ANKIB1: variants seen among roughly 807,000 people sequenced by gnomAD.
ANKIB1 encodes ankyrin repeat and IBR domain containing 1.
In ANKIB1, 43 loss-of-function variants were observed where a neutral mutation model predicts 122.1. The ratio of observed to expected loss-of-function variants is 0.35; its 90% CI spans 0.28 to 0.45. The LOEUF is 0.45. Among genes scored for constraint, ANKIB1 ranks in the 20% least tolerant of loss-of-function variants. ANKIB1 has a pLI of 1.00. For missense variants in ANKIB1, 992 were observed against 1,329.5 expected, an observed-to-expected ratio of 0.75 and a Z score of 3.95; for synonymous variants, 390 against 442.0, an observed-to-expected ratio of 0.88 and a Z score of 1.48.
intron 1 of ANKIB1, among the ~76,000 whole-genome samples, chr7:92,282,151 AT>A (rs1010816457): frequency 2.0e-5 from 3 of 150,660 alleles, no homozygotes; most frequent in Non-Finnish European, 4.4e-5. Flanking sequence ...GGCATAAGTA[AT>A]TTTTTTTTCT....
chr7:92,282,799 A>G (rs1301769191), intron 1 of ANKIB1, among the ~76,000 whole-genome samples: 1 of 152,132 alleles, frequency 6.6e-6, no homozygotes, highest in Non-Finnish European at 1.5e-5. Flanking sequence ...GCCTATGAAA[A>G]TTTTCAGCTA....
chr7:92,388,064 G>A (rs1804698506), intron 14 of ANKIB1, 23 bp downstream of exon 14: 1 of 1,538,866 alleles, frequency 6.5e-7, no homozygotes, highest in Non-Finnish European at 8.8e-7. Flanking sequence ...TTGTATGTGT[G>A]ATAATTAATA....
intron 14 of ANKIB1, 31 bp downstream of exon 14, chr7:92,388,072 A>T (rs1335676855): frequency 6.6e-7 from 1 of 1,523,766 alleles, no homozygotes. Flanking sequence ...GTGATAATTA[A>T]TATAAAATAT....
Position 92,387,652 on chromosome 7 carries a change from G to A in ANKIB1, c.1753-146G>A, listed in dbSNP as rs78879697. 3,142 of 606,958 alleles carry A rather than the reference G, an allele frequency of 5.2e-3. 80 individuals are homozygous for A. The highest frequency in any genetic ancestry group is 0.051 in the African/African-American group (2,694 of 52,510). The allele number at this position is 606,958 out of a possible 1,614,324, so 37.6% of individuals were successfully genotyped here. On this transcript the variant is annotated intron_variant, in intron 12 of 19. Transcript: ENST00000265742. Reference sequence around the variant, plus strand: ...CTCCGTCTCAAAAAAAAAAAAACAAGTATTGTTTTTCTGTCAAGAAAATAA... The same window carrying A: ...CTCCGTCTCAAAAAAAAAAAAACAAATATTGTTTTTCTGTCAAGAAAATAA...
rs746470412 is a variant in ANKIB1, at chr7:92,353,167, A to ATT, written c.1397+527_1397+528dup. On this transcript the variant is annotated intron_variant, in intron 9 of 19. Coordinates refer to ENST00000265742, the MANE Select transcript of ANKIB1 (RefSeq NM_019004.2). The stretch of plus-strand genomic sequence containing the variant: ...TTGGGCCCTAACAAGTAAGATTTTG[A>ATT]TTTAGTAGGTTTTTGAGTGGGGCTC... Among the ~76,000 whole-genome samples, 4 of 152,264 alleles carry ATT rather than the reference A, an allele frequency of 2.6e-5. 1 individual carries two copies.
At chr7:92,346,129 T>A (rs1247330530) in intron 7 of ANKIB1, among the ~76,000 whole-genome samples, 2 of 150,204 alleles carry the variant, frequency 1.3e-5, no homozygotes, top group African/African-American at 2.4e-5. Context: ...TCGTTCTGAT[T>A]TTTTTTTTTC....
rs756805504 is a variant in ANKIB1, at chr7:92,397,813, G to A, written c.2486G>A (p.Arg829His). 5.0e-5 allele frequency: 81 copies of A among 1,607,430 alleles called. No individual in the cohort carries two copies. Among genetic ancestry groups the A allele is most frequent in the South Asian group, 1.1e-4 (10 of 89,902 alleles). ...SMSVLHSSSL[R>H]DYTPASRSEN... ...AGTGTGCTGCACAGCTCTTCCCTGC[G>A]TGACTACACCCCTGCCAGTCGCTCT... Residue 829 changes from arginine to histidine, a missense_variant, in exon 19 of 20, where the codon CGT (arginine) becomes CAT (histidine). By Grantham distance (29) the Arg-to-His change is conservative (BLOSUM62 0). This residue lies in a region of ANKIB1 where 384 missense variants were observed against 412.0 expected (regional missense o/e 0.93). Coordinates refer to ENST00000265742, the MANE Select transcript of ANKIB1 (RefSeq NM_019004.2).
intron 1 of ANKIB1, among the ~76,000 whole-genome samples, chr7:92,283,390 A>T (rs1302312036): frequency 6.6e-6 from 1 of 152,206 alleles, no homozygotes; most frequent in Non-Finnish European, 1.5e-5. Context: ...CTTCTTTCAG[A>T]GTAAAGCCAC....
chr7:92,324,726 T>C (rs1802988741), intron 4 of ANKIB1, among the ~76,000 whole-genome samples: 1 of 152,218 alleles, frequency 6.6e-6, no homozygotes, highest in Non-Finnish European at 1.5e-5. Context: ...ATATTTCAGC[T>C]GAGTTTTAAT....
intron 1 of ANKIB1, among the ~76,000 whole-genome samples, chr7:92,293,230 G>A (rs1802287392): frequency 6.6e-6 from 1 of 152,148 alleles, no homozygotes. Flanking sequence ...TTTGTTATGA[G>A]ATGTAGTTTG....
chr7:92,366,224 T>A (rs1804080521), intron 10 of ANKIB1, among the ~76,000 whole-genome samples: 2 of 152,094 alleles, frequency 1.3e-5, no homozygotes, highest in Admixed American at 1.3e-4. Flanking sequence ...TTTCTTTTAT[T>A]TTCCCCCAAA....
chr7:92,351,296 G>C (rs895056929), intron 8 of ANKIB1, among the ~76,000 whole-genome samples: 1 of 152,132 alleles, frequency 6.6e-6, no homozygotes, highest in African/African-American at 2.4e-5. Flanking sequence ...TAAGAGGAAA[G>C]GGGAAAGGCT....
intron 5 of ANKIB1, among the ~76,000 whole-genome samples, chr7:92,339,691 G>C (rs1239453363): frequency 6.6e-6 from 1 of 152,120 alleles, no homozygotes; most frequent in Non-Finnish European, 1.5e-5. Context: ...ATTGCATTTT[G>C]TCACAGTTCT....
chr7:92,264,603 G>A (rs766467067), intron 1 of ANKIB1, among the ~76,000 whole-genome samples: 1 of 151,920 alleles, frequency 6.6e-6, no homozygotes, highest in Non-Finnish European at 1.5e-5. Flanking sequence ...GTAAAGACAG[G>A]GTTTCTCCAC....
intron 3 of ANKIB1, among the ~76,000 whole-genome samples, chr7:92,318,771 A>T (rs188995314): frequency 2.0e-3 from 307 of 152,318 alleles, no homozygotes; most frequent in African/African-American, 6.9e-3. Context: ...TAGCTTCCCA[A>T]TATGGCTATC....
At position 92,290,370 on chromosome 7, in the gene ANKIB1, A is replaced by AGTGTGTGTGT. The variant is rs34404682; in HGVS notation, c.-90-4494_-90-4485dup. ...AGACTAAATTGAGTATATGTATGAAAGTGTGTGTGTGTGTGTGTGTGTGTG... is the reference window on the plus strand; with the variant it reads ...AGACTAAATTGAGTATATGTATGAAAGTGTGTGTGTGTGTGTGTGTGTGTGTGTGTGTGTG... On this transcript the variant is annotated intron_variant, in intron 1 of 19. Coordinates refer to ENST00000265742, the MANE Select transcript of ANKIB1 (RefSeq NM_019004.2). Among the ~76,000 whole-genome samples, 858 of 141,398 alleles carry AGTGTGTGTGT rather than the reference A, an allele frequency of 6.1e-3. 19 individuals carry two copies. In the East Asian group the frequency reaches 0.078, roughly 13 times the overall value. 92.8% of individuals were successfully genotyped at this position (141,398 alleles called of 152,430 possible). A position where few individuals can be genotyped will look rare whatever the true frequency, so the allele number is the denominator to read the frequency against.
intron 19 of ANKIB1, 135 bp from the exon 20 acceptor site, chr7:92,398,077 T>G (rs1488807827): frequency 4.5e-6 from 5 of 1,115,374 alleles, no homozygotes; most frequent in Non-Finnish European, 6.1e-6. Context: ...AATACAAGAT[T>G]TTAGTAGATA....
intron 5 of ANKIB1, among the ~76,000 whole-genome samples, chr7:92,332,310 T>G (rs1361446234): frequency 6.6e-6 from 1 of 152,170 alleles, no homozygotes; most frequent in African/African-American, 2.4e-5. Context: ...CAGGCTGTGT[T>G]TTAGAGCTAT....
chr7:92,254,995 AG>A (rs1801405905), intron 1 of ANKIB1, among the ~76,000 whole-genome samples: 1 of 152,166 alleles, frequency 6.6e-6, no homozygotes, highest in South Asian at 2.1e-4. Flanking sequence ...GGTTTTAAAA[AG>A]GGGAGTTTTC....
Sources: allele counts gnomAD v4.1 joint callset (sites outside exome capture counted in the v4.1 genomes callset), GRCh38; gene constraint gnomAD v4.1.1; regional missense constraint gnomAD v4.1.1; transcripts MANE v1.5; gene names NCBI Gene and HGNC (gene_info 2026-07-23, HGNC 2026-07-21).